PTPRD: variants seen among roughly 807,000 people sequenced by gnomAD.
PTPRD encodes the protein receptor-type tyrosine-protein phosphatase delta.
A neutral mutation model predicts 214.5 loss-of-function variants in PTPRD; 34 were observed. That is an observed-to-expected ratio of 0.16 (90% CI 0.12 to 0.21). The LOEUF (loss-of-function observed/expected upper bound fraction) is 0.21, where lower values mean the gene tolerates loss of function less well. Among genes scored for constraint, PTPRD ranks in the 10% least tolerant of loss-of-function variants. The pLI is 1.00. For missense variants in PTPRD, 2,545 were observed against 2,398.7 expected (o/e 1.06, Z -1.27); for synonymous variants, 1,128 against 845.7 (o/e 1.33, Z -5.79).
At chr9:8,637,618 CTTAT>C (rs1427081879) in intron 12 of PTPRD, among the ~76,000 whole-genome samples, 1 of 152,182 alleles carries the variant, frequency 6.6e-6, no homozygotes, top group African/African-American at 2.4e-5. Context: ...AAAAAACTTA[CTTAT>C]TTTTCATCTT....
At chr9:8,921,820 C>A (rs1227555744) in intron 11 of PTPRD, among the ~76,000 whole-genome samples, 2 of 152,038 alleles carry the variant, frequency 1.3e-5, no homozygotes, top group African/African-American at 2.4e-5. Flanking sequence ...TGTGGTAAGT[C>A]CAGCATAATC....
chr9:10,006,450 T>C (rs1220064934), intron 4 of PTPRD, among the ~76,000 whole-genome samples: 1 of 151,994 alleles, frequency 6.6e-6, no homozygotes, highest in African/African-American at 2.4e-5. Context: ...AAACCGTTAC[T>C]TATTCTTTAT....
At chr9:8,447,971 C>T (rs1434547070) in intron 34 of PTPRD, among the ~76,000 whole-genome samples, 1 of 151,974 alleles carries the variant, frequency 6.6e-6, no homozygotes, top group African/African-American at 2.4e-5. Flanking sequence ...GCTTTTGGGT[C>T]CTCTATACAT....
intron 14 of PTPRD, among the ~76,000 whole-genome samples, chr9:8,565,769 T>A (rs982737340): frequency 6.6e-6 from 1 of 152,200 alleles, no homozygotes; most frequent in Non-Finnish European, 1.5e-5. Context: ...TTCTGCATAG[T>A]TTATGAGACG....
intron 5 of PTPRD, among the ~76,000 whole-genome samples, chr9:9,860,560 C>A (rs1341869482): frequency 6.6e-6 from 1 of 152,180 alleles, no homozygotes; most frequent in African/African-American, 2.4e-5. Flanking sequence ...GCTGGTACTA[C>A]ATTTGATTGC....
intron 12 of PTPRD, among the ~76,000 whole-genome samples, chr9:8,698,564 G>A (rs1359253196): frequency 6.6e-6 from 1 of 152,056 alleles, no homozygotes; most frequent in Non-Finnish European, 1.5e-5. Flanking sequence ...CTTTATCAAG[G>A]CCTATTTAGT....
chr9:9,042,795 G>A (rs988441971), intron 10 of PTPRD, among the ~76,000 whole-genome samples: 1 of 151,898 alleles, frequency 6.6e-6, no homozygotes, highest in Non-Finnish European at 1.5e-5. Flanking sequence ...TAGGGCACAG[G>A]AACATGACCT....
chr9:10,197,149 G>A (rs188437536), intron 3 of PTPRD, among the ~76,000 whole-genome samples: 1 of 152,210 alleles, frequency 6.6e-6, no homozygotes, highest in African/African-American at 2.4e-5. Flanking sequence ...TCAAGAGTTT[G>A]AAGTTGAAAG....
chr9:8,956,837 G>T (rs540631777), intron 11 of PTPRD, among the ~76,000 whole-genome samples: 1 of 151,910 alleles, frequency 6.6e-6, no homozygotes, highest in South Asian at 2.1e-4. Context: ...CCTTGATGCA[G>T]TTTGCTTTTA....
At chr9:10,599,238 A>T (rs2208705) in intron 2 of PTPRD, among the ~76,000 whole-genome samples, 51,673 of 151,474 alleles carry the variant, frequency 0.34, 9,296 homozygotes, top group East Asian at 0.5. Flanking sequence ...AAACCATGTC[A>T]TCCCATCAGC....
chr9:10,281,006 T>C (rs1392749437), intron 3 of PTPRD, among the ~76,000 whole-genome samples: 7 of 152,108 alleles, frequency 4.6e-5, no homozygotes, highest in Admixed American at 4.6e-4. Context: ...AGAAACAAAT[T>C]CTATATGTAA....
intron 9 of PTPRD, among the ~76,000 whole-genome samples, chr9:9,193,318 A>G (rs1224372890): frequency 6.6e-6 from 1 of 152,142 alleles, no homozygotes; most frequent in African/African-American, 2.4e-5. Context: ...CTGCATGTGA[A>G]CATGATAATT....
chr9:10,345,496 A>T (rs986355946), intron 2 of PTPRD, among the ~76,000 whole-genome samples: 1 of 139,120 alleles, frequency 7.2e-6, no homozygotes, highest in African/African-American at 2.7e-5. Context: ...ACTCCCACTT[A>T]TGAGTGAGAA....
intron 14 of PTPRD, among the ~76,000 whole-genome samples, chr9:8,630,028 T>C (rs1038017254): frequency 1.3e-5 from 2 of 151,872 alleles, no homozygotes; most frequent in Non-Finnish European, 2.9e-5. Context: ...ACCATACAGG[T>C]CAGATATTTG....
At chr9:9,675,061 C>T (rs2096903296) in intron 7 of PTPRD, among the ~76,000 whole-genome samples, 1 of 151,822 alleles carries the variant, frequency 6.6e-6, no homozygotes, top group Non-Finnish European at 1.5e-5. Flanking sequence ...ATTTATAAAA[C>T]CTCTAGCACA....
At chr9:10,024,895 C>T (rs528899618) in intron 4 of PTPRD, among the ~76,000 whole-genome samples, 24 of 150,420 alleles carry the variant, frequency 1.6e-4, no homozygotes, top group East Asian at 6.0e-4. Flanking sequence ...GTTTTCTGTC[C>T]GTGCGATAGT....
At chr9:8,377,158 C>CT (rs1177353185) in intron 37 of PTPRD, among the ~76,000 whole-genome samples, 1 of 151,998 alleles carries the variant, frequency 6.6e-6, no homozygotes, top group Non-Finnish European at 1.5e-5. Flanking sequence ...TCCAAATATG[C>CT]TTGTTTAAAG....
intron 5 of PTPRD, among the ~76,000 whole-genome samples, chr9:9,883,436 A>T (rs1319489590): frequency 6.6e-6 from 1 of 152,156 alleles, no homozygotes; most frequent in African/African-American, 2.4e-5. Flanking sequence ...TGTGAAGAGG[A>T]GGTCAACTAG....
chr9:8,319,540 A>G (rs900175885), intron 45 of PTPRD, among the ~76,000 whole-genome samples: 2 of 151,980 alleles, frequency 1.3e-5, no homozygotes, highest in Non-Finnish European at 2.9e-5. Context: ...AGGACTATGA[A>G]TATAACGAAT....
Sources: allele counts gnomAD v4.1 joint callset (sites outside exome capture counted in the v4.1 genomes callset), GRCh38; gene constraint gnomAD v4.1.1; transcripts MANE v1.5; gene names NCBI Gene and HGNC (gene_info 2026-07-23, HGNC 2026-07-21).